PIGN: variants seen among roughly 807,000 people sequenced by gnomAD.
PIGN encodes phosphatidylinositol glycan anchor biosynthesis class N, also known as GPI ethanolamine phosphate transferase 1.
PIGN carries 117 observed loss-of-function variants against 125.4 expected under a neutral mutation model. The ratio of observed to expected loss-of-function variants is 0.93; its 90% CI spans 0.80 to 1.09. The LOEUF is 1.09. Ranked by LOEUF, PIGN falls within the 50% of genes least tolerant of loss-of-function variation. The probability of loss-of-function intolerance (pLI) is 0.00; values close to 1 mark genes in which losing one functional copy is unlikely to be tolerated. For missense variants in PIGN, 1,075 were observed against 1,094.9 expected, an observed-to-expected ratio of 0.98 and a Z score of 0.26; for synonymous variants, 392 against 377.8, an observed-to-expected ratio of 1.04 and a Z score of -0.44.
intron 24 of PIGN, among the ~76,000 whole-genome samples, chr18:62,089,943 G>A (rs1679271933): frequency 6.6e-6 from 1 of 152,056 alleles, no homozygotes; most frequent in Admixed American, 6.6e-5. Context: ...TTGGATTTTA[G>A]CCAACTCAAA....
chr18:62,045,995 A>T lies in PIGN; in HGVS notation c.2673-16T>A. 6.2e-7 allele frequency: 1 copy of T among 1,609,130 alleles called. No individual in the cohort carries two copies. The highest frequency in any genetic ancestry group is 2.2e-5 in the East Asian group (1 of 44,816). ...GTGGCTGATGCTGCAAAAGGAGAAAAAGATGTTACAGGCAGAGAGAACACA... is the reference window on the plus strand; with the variant it reads ...GTGGCTGATGCTGCAAAAGGAGAAATAGATGTTACAGGCAGAGAGAACACA... On this transcript the variant is annotated splice_polypyrimidine_tract_variant and intron_variant, in intron 30 of 30. Coordinates refer to ENST00000640252, the MANE Select transcript of PIGN (RefSeq NM_176787.5).
intron 14 of PIGN, among the ~76,000 whole-genome samples, chr18:62,127,591 T>C (rs977330352): frequency 6.6e-6 from 1 of 152,170 alleles, no homozygotes; most frequent in African/African-American, 2.4e-5. Flanking sequence ...ATACACTAAG[T>C]ACATAATAAC....
intron 12 of PIGN, among the ~76,000 whole-genome samples, chr18:62,139,298 T>C (rs2036051831): frequency 1.3e-5 from 2 of 152,244 alleles, no homozygotes; most frequent in South Asian, 4.1e-4. Context: ...TGAATTAAAT[T>C]CAGTAACACC....
At chr18:62,095,482 A>G (rs1480300394) in intron 23 of PIGN, among the ~76,000 whole-genome samples, 3 of 152,228 alleles carry the variant, frequency 2.0e-5, no homozygotes, top group Non-Finnish European at 2.9e-5. Context: ...TATTCAAAGA[A>G]GAATGGACAA....
At chr18:62,052,688 T>C (rs1429927410) in intron 30 of PIGN, 2 of 153,066 alleles carry the variant, frequency 1.3e-5, no homozygotes, top group Non-Finnish European at 2.9e-5. Flanking sequence ...AATTGGAGCA[T>C]TTAGTCCATT....
chr18:62,078,124 G>C (rs976856979), intron 28 of PIGN, among the ~76,000 whole-genome samples: 1 of 152,108 alleles, frequency 6.6e-6, no homozygotes, highest in Non-Finnish European at 1.5e-5. Context: ...AAGAATTTTA[G>C]GGGACACAAA....
intron 7 of PIGN, among the ~76,000 whole-genome samples, chr18:62,149,904 TA>T (rs2147343396): frequency 6.6e-6 from 1 of 152,324 alleles, no homozygotes; most frequent in South Asian, 2.1e-4. Flanking sequence ...ACTTTTAAGT[TA>T]TTTTTTTCCA....
At chr18:62,139,240 A>G (rs527925167) in intron 12 of PIGN, among the ~76,000 whole-genome samples, 165 bp from the exon 13 acceptor site, 35 of 152,358 alleles carry the variant, frequency 2.3e-4, no homozygotes, top group Admixed American at 7.8e-4. Context: ...AAGATGTTCT[A>G]TTATTTTTCT....
rs191939518 is a variant in PIGN, at chr18:62,157,145, C to T, written c.426G>A (p.Leu142=). 6 of 1,598,326 alleles carry T rather than the reference C, an allele frequency of 3.8e-6. No homozygotes were observed. The highest frequency in any genetic ancestry group is 5.1e-6 in the Non-Finnish European group (6 of 1,167,938). Residue 142 remains leucine (L), a synonymous_variant, in exon 6 of 31, where the codon CTG becomes CTA. Coordinates refer to ENST00000640252, the MANE Select transcript of PIGN (RefSeq NM_176787.5). ...YTWSWGSPDI[L]PMFAKGASGD... ...GACTCTTACCTTTGGCAAACATAGG[C>T]AGGATATCTGGGCTTCCCCAGCTCC...
intron 14 of PIGN, among the ~76,000 whole-genome samples, chr18:62,134,169 TG>T (rs1215909954): frequency 6.6e-6 from 1 of 151,552 alleles, no homozygotes; most frequent in African/African-American, 2.4e-5. Context: ...CCGAGGTGGG[TG>T]GATCACGAGG....
chr18:62,168,353 G>C (rs977517048), intron 1 of PIGN, among the ~76,000 whole-genome samples: 18 of 152,086 alleles, frequency 1.2e-4, no homozygotes, highest in African/African-American at 4.1e-4. Context: ...GAATGGTACA[G>C]ACACCTGTAT....
intron 30 of PIGN, chr18:62,051,771 C>G (rs1266975001): frequency 6.6e-6 from 1 of 152,158 alleles, no homozygotes; most frequent in Non-Finnish European, 1.5e-5. Flanking sequence ...TCTTTCTTTT[C>G]TAGTTCGTTC....
intron 22 of PIGN, among the ~76,000 whole-genome samples, chr18:62,097,019 T>A (rs953602487): frequency 1.3e-5 from 2 of 151,056 alleles, no homozygotes; most frequent in East Asian, 3.9e-4. Flanking sequence ...TATAGCAGCA[T>A]GTTCATGTCC....
chr18:62,148,198 C>A lies in PIGN; in HGVS notation c.674+16G>T. The A allele has an allele frequency of 6.6e-7, 1 of 1,515,380 alleles. No homozygotes were observed. Among genetic ancestry groups the A allele is most frequent in the South Asian group, 1.3e-5 (1 of 75,994 alleles). 93.9% of individuals were successfully genotyped at this position (1,515,380 alleles called of 1,614,324 possible). On this transcript the variant is annotated intron_variant, in intron 8 of 30. Transcript: ENST00000640252. ...TGTTGCCCTAAAAAATACAATTAAA[C>A]ACAATATTAAATTACCTCGAGGATG...
At chr18:62,138,958 G>T in intron 13 of PIGN, 25 bp downstream of exon 13, 1 of 1,265,924 alleles carries the variant, frequency 7.9e-7, no homozygotes, top group Non-Finnish European at 1.1e-6. Context: ...ATTTTTGTGC[G>T]TGCCTTTTTG....
At chr18:62,181,212 T>C (rs918663947) in intron 1 of PIGN, among the ~76,000 whole-genome samples, 1 of 152,164 alleles carries the variant, frequency 6.6e-6, no homozygotes, top group Non-Finnish European at 1.5e-5. Context: ...TATCTAACCA[T>C]AGGGAACAGA....
At position 62,145,926 on chromosome 18, in the gene PIGN, T is replaced by C; in HGVS notation, c.905A>G (p.Asp302Gly). 6.3e-7 allele frequency: 1 copy of C among 1,576,588 alleles called. No homozygotes were observed. Among genetic ancestry groups the C allele is most frequent in the Non-Finnish European group, 8.7e-7 (1 of 1,146,558 alleles). ...YPQRVSAQQF[D>G]DAFLKEWRLE... is the part of the protein sequence containing the mutation. The stretch of plus-strand genomic sequence containing the variant: ...GCTTGTACCTTTCAAAAATGCATCA[T>C]CAAATTGCTGAGCTGATACTCTTTG... Residue 302 changes from aspartate to glycine, a missense_variant, in exon 10 of 31, where the codon GAT (aspartate) becomes GGT (glycine). This residue lies in a region of PIGN where 915 missense variants were observed against 908.7 expected (regional missense o/e 1.01). Coordinates refer to ENST00000640252, the MANE Select transcript of PIGN (RefSeq NM_176787.5).
chr18:62,103,299 C>T (rs1461101587), intron 20 of PIGN, among the ~76,000 whole-genome samples: 1 of 152,096 alleles, frequency 6.6e-6, no homozygotes, highest in Non-Finnish European at 1.5e-5. Flanking sequence ...GTATCTACAA[C>T]ATGTATTTTG....
At chr18:62,055,615 TA>T (rs1353011872) in intron 30 of PIGN, among the ~76,000 whole-genome samples, 1 of 152,194 alleles carries the variant, frequency 6.6e-6, no homozygotes, top group African/African-American at 2.4e-5. Context: ...TATGTTATAC[TA>T]TAGTTCTGCA....
Sources: gnomAD v4.1 joint callset for allele counts (sites outside exome capture counted in the v4.1 genomes callset) on GRCh38, gnomAD v4.1.1 for gene constraint, gnomAD v4.1.1 regional missense constraint, MANE v1.5 for transcripts, NCBI Gene and HGNC (gene_info 2026-07-23, HGNC 2026-07-21) for gene names.